The following UCP3 variants were observed in gnomAD, a reference collection of about 807,000 sequenced individuals.
UCP3 encodes the protein putative mitochondrial transporter UCP3.
A neutral mutation model predicts 28.1 loss-of-function variants in UCP3; 24 were observed. That is an observed-to-expected ratio of 0.85 (90% confidence interval 0.62 to 1.20). The LOEUF (loss-of-function observed/expected upper bound fraction) is 1.20. UCP3 is among the 50% of genes most tolerant of loss of function. The pLI, the probability that UCP3 is intolerant of heterozygous loss-of-function variation, is 0.00. For missense variants in UCP3, 397 were observed against 422.2 expected, an observed-to-expected ratio of 0.94 and a Z score of 0.52; for synonymous variants, 184 against 171.2, an observed-to-expected ratio of 1.07 and a Z score of -0.59.
At chr11:74,007,811 G>C (rs532637907) in intron 1 of UCP3, among the ~76,000 whole-genome samples, 49 of 152,238 alleles carry the variant, frequency 3.2e-4, no homozygotes, top group Non-Finnish European at 1.0e-4. Context: ...ACAGTGGTGG[G>C]CACAGGTAGG....
Position 74,001,464 on chromosome 11 carries a change from T to G in UCP3, c.887A>C (p.Gln296Pro), listed in dbSNP as rs1293207710. ...GACTTTCATCAGGGCCCGTTTCAGCTGCTCATAGGTTACGAACATCACCAC... is the reference window on the plus strand; with the variant it reads ...GACTTTCATCAGGGCCCGTTTCAGCGGCTCATAGGTTACGAACATCACCAC... The part of the protein sequence containing the change: ...WNVVMFVTYE[Q>P]LKRALMKVQM... The change falls in exon 7 of 7, where the codon CAG becomes CCG. Residue 296 changes from glutamine (Q) to proline (P), a missense_variant. Transcript: ENST00000314032. 1.1e-5 allele frequency: 17 copies of G among 1,614,088 alleles called. No individual in the cohort carries two copies. The highest frequency in any genetic ancestry group is 1.4e-5 in the Non-Finnish European group (17 of 1,180,044).
intron 6 of UCP3, chr11:74,001,839 G>A: frequency 2.8e-6 from 1 of 355,426 alleles, no homozygotes; most frequent in Non-Finnish European, 5.3e-6. Context: ...GGCCCAGGGA[G>A]GTTAAGAGCT....
At chr11:74,004,765 C>A (rs1951648510) in intron 4 of UCP3, among the ~76,000 whole-genome samples, 180 bp from the exon 5 acceptor site, 1 of 152,194 alleles carries the variant, frequency 6.6e-6, no homozygotes, top group Non-Finnish European at 1.5e-5. Flanking sequence ...ATTTTCCTTT[C>A]TAGGGTTAAC....
chr11:74,008,911 TG>T (rs1265882721), intron 1 of UCP3, 66 bp downstream of exon 1: 1 of 151,968 alleles, frequency 6.6e-6, no homozygotes, highest in East Asian at 1.9e-4. Flanking sequence ...AAGCCTCCAA[TG>T]AAAGGGAGAA....
Position 74,006,306 on chromosome 11 carries a change from G to A in UCP3, c.200C>T (p.Thr67Ile). 6 of 1,610,662 alleles carry A rather than the reference G, an allele frequency of 3.7e-6. No individual in the cohort carries two copies. Among genetic ancestry groups the A allele is most frequent in the Non-Finnish European group, 4.2e-6 (5 of 1,179,468 alleles). The change falls in exon 3 of 7, where the codon ACC (threonine) becomes ATC (isoleucine). Residue 67 changes from threonine to isoleucine, a missense_variant. By Grantham distance (89) the Thr-to-Ile change is moderately conservative. Transcript: ENST00000314032. Reference sequence around the variant, plus strand: ...GCAGGGACCCTCAGTCCGCACCATGGTCAGGATGGTGCCCAGCACGCCACG... The same window carrying A: ...GCAGGGACCCTCAGTCCGCACCATGATCAGGATGGTGCCCAGCACGCCACG... ...QYRGVLGTIL[T>I]MVRTEGPCSP...
intron 5 of UCP3, 129 bp from the exon 6 acceptor site, chr11:74,004,136 G>A: frequency 6.8e-7 from 1 of 1,470,172 alleles, no homozygotes; most frequent in Non-Finnish European, 9.2e-7. Context: ...CTCTCACAGT[G>A]CCCTGGGCTA....
rs1262874209 is a variant in UCP3 at position 74,005,816 on chromosome 11, G to A, written c.455C>T (p.Pro152Leu). The change falls in exon 4 of 7, where the codon CCA becomes CTA. Residue 152 changes from proline to leucine, a missense_variant. Transcript: ENST00000314032. ...VRFQASIHLGPSRSDRKYSGT... is the reference protein window; with the variant it reads ...VRFQASIHLGLSRSDRKYSGT... ...GCTGTATTTTCTGTCGCTCCTGGATGGCCCGAGGTGTATGCTGGCCTGAAA... is the reference window on the plus strand; with the variant it reads ...GCTGTATTTTCTGTCGCTCCTGGATAGCCCGAGGTGTATGCTGGCCTGAAA... The A allele has an allele frequency of 6.2e-7, 1 of 1,614,214 alleles. No individual in the cohort carries two copies. Among genetic ancestry groups the A allele is most frequent in the Admixed American group, 1.7e-5 (1 of 60,026 alleles).
rs1413309304 is a variant in UCP3 at position 74,001,162 on chromosome 11, T to C, written c.*250A>G. On this transcript the variant is annotated 3_prime_UTR_variant, in exon 7 of 7. Coordinates refer to ENST00000314032, the MANE Select transcript of UCP3 (RefSeq NM_003356.4). Reference sequence around the variant, plus strand: ...CTCTTGCCTAAATATTAGGCATGCCTAATGGGTTTCAAAAATTAATATAAT... The same window carrying C: ...CTCTTGCCTAAATATTAGGCATGCCCAATGGGTTTCAAAAATTAATATAAT... 1 of 529,234 alleles carries C rather than the reference T, an allele frequency of 1.9e-6. No homozygotes were observed. The highest frequency in any genetic ancestry group is 3.4e-6 in the Non-Finnish European group (1 of 295,292). 32.8% of individuals were successfully genotyped at this position (529,234 alleles called of 1,614,324 possible). A position where few individuals can be genotyped will look rare whatever the true frequency, so the allele number is the denominator to read the frequency against.
At chr11:74,004,386 T>C in intron 5 of UCP3, 98 bp downstream of exon 5, 1 of 1,140,772 alleles carries the variant, frequency 8.8e-7, no homozygotes, top group Non-Finnish European at 1.3e-6. Flanking sequence ...CTCTGCTCCT[T>C]CTAAAACCCA....
At position 74,004,533 on chromosome 11, in the gene UCP3, C is replaced by T. The variant is rs578223492; in HGVS notation, c.594G>A (p.Val198=). ...GCTTCTCCTTGAGGATGTCGTAGGT[C>T]ACCACCTCAGCACAGTTGACGATAG... The part of the protein sequence containing the change: ...RNAIVNCAEV[V]TYDILKEKLL... The change falls in exon 5 of 7, where the codon GTG becomes GTA. Residue 198 remains valine (V), a synonymous_variant. Transcript: ENST00000314032. 1 of 1,614,112 alleles carries T rather than the reference C, an allele frequency of 6.2e-7. No homozygotes were observed. Among genetic ancestry groups the T allele is most frequent in the Non-Finnish European group, 8.5e-7 (1 of 1,179,986 alleles).
chr11:74,003,058 A>G, intron 6 of UCP3: 1 of 586,626 alleles, frequency 1.7e-6, no homozygotes, highest in Non-Finnish European at 2.1e-6. Context: ...TAATGTGGAC[A>G]ATACTACCCA....
intron 5 of UCP3, 77 bp downstream of exon 5, chr11:74,004,407 G>T: frequency 7.3e-7 from 1 of 1,363,604 alleles, no homozygotes; most frequent in Non-Finnish European, 1.0e-6. Flanking sequence ...GTTGCCTCTG[G>T]GTGGTGCCCA....
intron 1 of UCP3, among the ~76,000 whole-genome samples, chr11:74,008,334 G>A (rs898059720): frequency 6.6e-6 from 1 of 152,140 alleles, no homozygotes; most frequent in African/African-American, 2.4e-5. Flanking sequence ...TTTAGGTCTG[G>A]GGTGGGGCCT....
chr11:74,005,157 C>T (rs1185646366), intron 4 of UCP3, among the ~76,000 whole-genome samples: 1 of 152,114 alleles, frequency 6.6e-6, no homozygotes, highest in African/African-American at 2.4e-5. Context: ...GGAGAGAGTC[C>T]TGCATTCATC....
chr11:74,002,814 T>C (rs1951631036), intron 6 of UCP3: 7 of 985,476 alleles, frequency 7.1e-6, no homozygotes, highest in Non-Finnish European at 8.4e-6. Flanking sequence ...TGAGAACCTA[T>C]AGCAGCTCTT....
intron 1 of UCP3, 170 bp from the exon 2 acceptor site, chr11:74,007,307 T>C (rs1019723226): frequency 2.1e-6 from 1 of 483,690 alleles, no homozygotes; most frequent in African/African-American, 2.0e-5. Context: ...CCTTGAATTT[T>C]GCAATCCTCC....
rs756056155 is a variant in UCP3, at chr11:74,003,967, G to A, written c.684C>T (p.Gly228=). The A allele has an allele frequency of 1.9e-6, 3 of 1,614,144 alleles. No homozygotes were observed. Among genetic ancestry groups the A allele is most frequent in the South Asian group, 2.2e-5 (2 of 91,090 alleles). The change falls in exon 6 of 7, where the codon GGC becomes GGT. Residue 228 remains glycine, a synonymous_variant. Coordinates refer to ENST00000314032, the MANE Select transcript of UCP3 (RefSeq NM_003356.4). The part of the protein sequence containing the change: ...PCHFVSAFGA[G]FCATVVASPV... The stretch of plus-strand genomic sequence containing the variant: ...GGGAGGCCACCACTGTGGCACAGAA[G>A]CCGGCTCCAAAGGCAGAGACAAAGT...
At chr11:74,005,625 G>A (rs1200732200) in intron 4 of UCP3, 105 bp downstream of exon 4, 1 of 1,281,678 alleles carries the variant, frequency 7.8e-7, no homozygotes. Context: ...CAGAATCACT[G>A]GAACACGCCA....
intron 4 of UCP3, 109 bp from the exon 5 acceptor site, chr11:74,004,694 C>A: frequency 2.1e-6 from 2 of 954,318 alleles, no homozygotes; most frequent in Non-Finnish European, 3.2e-6. Flanking sequence ...GTTTTGGGGC[C>A]ATAGTGCCCC....
Sources: allele counts gnomAD v4.1 joint callset (sites outside exome capture counted in the v4.1 genomes callset), GRCh38; gene constraint gnomAD v4.1.1; transcripts MANE v1.5; gene names NCBI Gene and HGNC (gene_info 2026-07-23, HGNC 2026-07-21).